E2F5: variants seen among roughly 807,000 people sequenced by gnomAD.
E2F5 encodes the protein transcription factor E2F5.
Under a neutral mutation model 39.1 loss-of-function variants are expected in E2F5, and 23 were observed. The ratio of observed to expected loss-of-function variants is 0.59; its 90% CI spans 0.42 to 0.83. E2F5 has a LOEUF of 0.83. Ranked by LOEUF, E2F5 falls within the 40% of genes least tolerant of loss-of-function variation. The pLI is 0.00. For synonymous variants in E2F5, 145 were observed against 157.8 expected (o/e 0.92, Z 0.61); for missense variants, 365 against 406.7 (o/e 0.90, Z 0.88).
Position 85,213,865 on chromosome 8 carries a change from T to C in E2F5, c.*3T>C. On this transcript the variant is annotated 3_prime_UTR_variant, in exon 8 of 8. Coordinates refer to ENST00000416274, the MANE Select transcript of E2F5 (RefSeq NM_001951.4). ...ATGTCCAGATACTAAATTATTAGAT[T>C]CCATGGAAACTTGGGACTGTTATCT... is the stretch of plus-strand genomic sequence containing the variant. The C allele has an allele frequency of 6.4e-7, 1 of 1,562,162 alleles. No individual in the cohort carries two copies. Among genetic ancestry groups the C allele is most frequent in the Non-Finnish European group, 8.8e-7 (1 of 1,133,852 alleles).
chr8:85,184,731 G>C (rs1251353187), intron 1 of E2F5, among the ~76,000 whole-genome samples: 1 of 152,046 alleles, frequency 6.6e-6, no homozygotes, highest in Admixed American at 6.6e-5. Flanking sequence ...AACAGACAAA[G>C]AGCCAAATCA....
chr8:85,177,526 C>T lies in E2F5; in HGVS notation c.106C>T (p.Pro36Ser), dbSNP rs772024472. 6.9e-5 allele frequency: 80 copies of T among 1,152,886 alleles called. No individual in the cohort carries two copies. Among genetic ancestry groups the T allele is most frequent in the Non-Finnish European group, 1.2e-5 (11 of 937,908 alleles). The allele number at this position is 1,152,886 out of a possible 1,614,324, so 71.4% of individuals were successfully genotyped here. The change falls in exon 1 of 8, where the codon CCC becomes TCC. Residue 36 changes from proline (P) to serine (S), a missense_variant. Pro to Ser is a moderately conservative substitution (Grantham distance 74, BLOSUM62 -1). Coordinates refer to ENST00000416274, the MANE Select transcript of E2F5 (RefSeq NM_001951.4). ...QPPQAQAPQP[P>S]PPPQLGGAGG... ...TCCGCAGGCGCAAGCCCCGCAGCCG[C>T]CCCCGCCGCCGCAGCTCGGGGGCGC...
chr8:85,185,763 C>T (rs59072296), intron 1 of E2F5, among the ~76,000 whole-genome samples: 1,618 of 152,306 alleles, frequency 0.011, 34 homozygotes, highest in African/African-American at 0.037. Context: ...AAAAAATGCT[C>T]ATCGTCACTG....
At chr8:85,199,579 T>C (rs1387771495) in intron 1 of E2F5, among the ~76,000 whole-genome samples, 1 of 152,084 alleles carries the variant, frequency 6.6e-6, no homozygotes, top group East Asian at 1.9e-4. Flanking sequence ...TTCATGGTAT[T>C]ATTCTGTTAG....
rs1175806483 is a variant in E2F5, at chr8:85,186,289, C to T, written c.234+8635C>T. Among the ~76,000 whole-genome samples, 4 of 151,728 alleles carry T rather than the reference C, an allele frequency of 2.6e-5. No homozygotes were observed. The East Asian group carries it at 7.7e-4, about 29-fold the overall frequency. ...AAACCAAACACCACATGTTCTCACT[C>T]GTAAGTGGGAGTTGAACAAGAACAC... On this transcript the variant is annotated intron_variant, in intron 1 of 7. Coordinates refer to ENST00000416274, the MANE Select transcript of E2F5 (RefSeq NM_001951.4).
At position 85,214,409 on chromosome 8, in the gene E2F5, C is replaced by A. The variant is rs1813045655; in HGVS notation, c.*547C>A. 1 of 643,636 alleles carries A rather than the reference C, an allele frequency of 1.6e-6. No individual in the cohort carries two copies. The highest frequency in any genetic ancestry group is 2.8e-5 in the East Asian group (1 of 35,882). 39.9% of individuals were successfully genotyped at this position (643,636 alleles called of 1,614,324 possible). On this transcript the variant is annotated 3_prime_UTR_variant, in exon 8 of 8. Coordinates refer to ENST00000416274, the MANE Select transcript of E2F5 (RefSeq NM_001951.4). ...TCACATTTTGTTGACTTCTGACATTCCACTTTCCTAGGTTATAGGAAAGAT... is the reference window on the plus strand; with the variant it reads ...TCACATTTTGTTGACTTCTGACATTACACTTTCCTAGGTTATAGGAAAGAT...
chr8:85,212,944 A>AGGCTGGAGTGTCATCCG (rs1812972438), intron 7 of E2F5: 1 of 151,650 alleles, frequency 6.6e-6, no homozygotes. Flanking sequence ...AGTGTCATCC[A>AGGCTGGAGTGTCATCCG]GGCTGGAGTG....
At chr8:85,196,826 G>A (rs759359583) in intron 1 of E2F5, among the ~76,000 whole-genome samples, 2 of 152,102 alleles carry the variant, frequency 1.3e-5, no homozygotes, top group African/African-American at 2.4e-5. Context: ...CCTCTTAATT[G>A]TGGATTGAAA....
At chr8:85,209,550 A>T in intron 6 of E2F5, 141 bp downstream of exon 6, 1 of 1,035,676 alleles carries the variant, frequency 9.7e-7, no homozygotes, top group Non-Finnish European at 1.4e-6. Context: ...ATAATAACAT[A>T]TCTTGGGGAT....
intron 1 of E2F5, among the ~76,000 whole-genome samples, chr8:85,193,327 T>TA (rs552291186): frequency 6.6e-4 from 101 of 151,890 alleles, no homozygotes; most frequent in African/African-American, 2.2e-3. Flanking sequence ...CTACTAAAAA[T>TA]AAAAAAATTA....
chr8:85,207,067 C>T (rs1416297610), intron 4 of E2F5, among the ~76,000 whole-genome samples: 2 of 152,122 alleles, frequency 1.3e-5, no homozygotes, highest in Non-Finnish European at 2.9e-5. Flanking sequence ...GTGTCTCATA[C>T]CTAATCTCCA....
chr8:85,190,490 A>AT (rs898405306), intron 1 of E2F5, among the ~76,000 whole-genome samples: 2 of 98,422 alleles, frequency 2.0e-5, no homozygotes, highest in African/African-American at 7.8e-5. Flanking sequence ...AGATGGGGAG[A>AT]TTTTTCCTTT....
rs1812108613 is a variant in E2F5 at position 85,177,512 on chromosome 8, A to AAGCCCCGCAGCC, written c.93_104dup (p.Ala32_Pro35dup). ...CCGCCGCCGCAGCCTCCGCAGGCGCAAGCCCCGCAGCCGCCCCCGCCGCCG... is the reference window on the plus strand; with the variant it reads ...CCGCCGCCGCAGCCTCCGCAGGCGCAAGCCCCGCAGCCAGCCCCGCAGCCGCCCCCGCCGCCG... On this transcript the variant is annotated inframe_insertion, in exon 1 of 8. Transcript: ENST00000416274. 9.0e-7 allele frequency: 1 copy of AAGCCCCGCAGCC among 1,109,168 alleles called. No homozygotes were observed. Among genetic ancestry groups the AAGCCCCGCAGCC allele is most frequent in the South Asian group, 4.3e-5 (1 of 23,306 alleles). 68.7% of individuals were successfully genotyped at this position (1,109,168 alleles called of 1,614,324 possible).
chr8:85,201,991 TG>T, intron 1 of E2F5, 155 bp from the exon 2 acceptor site: 1 of 644,266 alleles, frequency 1.6e-6, no homozygotes. Context: ...TTGCAGTGTT[TG>T]GGAGATGCTT....
chr8:85,185,831 A>G (rs1412520905), intron 1 of E2F5, among the ~76,000 whole-genome samples: 1 of 152,228 alleles, frequency 6.6e-6, no homozygotes, highest in Non-Finnish European at 1.5e-5. Flanking sequence ...ACCAGTTACA[A>G]TGGCGATCAT....
At chr8:85,210,163 C>T (rs146798960) in intron 6 of E2F5, among the ~76,000 whole-genome samples, 27 of 152,286 alleles carry the variant, frequency 1.8e-4, no homozygotes, top group African/African-American at 6.3e-4. Flanking sequence ...ATATAGACAT[C>T]ATATTGCAGA....
intron 1 of E2F5, among the ~76,000 whole-genome samples, chr8:85,200,151 G>GACTA (rs1812664152): frequency 1.3e-5 from 2 of 152,092 alleles, no homozygotes; most frequent in Non-Finnish European, 2.9e-5. Flanking sequence ...GGAGGCTGAG[G>GACTA]CAGGAGAATC....
chr8:85,214,035 G>C lies in E2F5; in HGVS notation c.*173G>C, dbSNP rs1813024520. On this transcript the variant is annotated 3_prime_UTR_variant, in exon 8 of 8. Transcript: ENST00000416274. ...ACAAAACTTCAACCATAAAAACAAA[G>C]GGCTCTGATTGCTTTAGGGGATAAG... is the stretch of plus-strand genomic sequence containing the variant. The C allele has an allele frequency of 1.7e-6, 1 of 592,278 alleles. No homozygotes were observed. Among genetic ancestry groups the C allele is most frequent in the South Asian group, 2.0e-5 (1 of 51,208 alleles). The allele number at this position is 592,278 out of a possible 1,614,324, so 36.7% of individuals were successfully genotyped here.
At chr8:85,184,055 A>T (rs1368624944) in intron 1 of E2F5, among the ~76,000 whole-genome samples, 2 of 152,160 alleles carry the variant, frequency 1.3e-5, no homozygotes, top group Non-Finnish European at 2.9e-5. Flanking sequence ...TGAAGAAACC[A>T]AATGGGCCAA....
Sources: gnomAD v4.1 joint callset for allele counts (sites outside exome capture counted in the v4.1 genomes callset) on GRCh38, gnomAD v4.1.1 for gene constraint, MANE v1.5 for transcripts, NCBI Gene and HGNC (gene_info 2026-07-23, HGNC 2026-07-21) for gene names.